NUMB: variants seen among roughly 807,000 people sequenced by gnomAD.
The protein encoded by NUMB is NUMB endocytic adaptor protein.
Under a neutral mutation model 59.7 loss-of-function variants are expected in NUMB, and 29 were observed. The ratio of observed to expected loss-of-function variants is 0.49; its 90% CI spans 0.36 to 0.66. The LOEUF is 0.66. NUMB is among the 30% of genes least tolerant of loss of function. The pLI is 0.00. For synonymous variants in NUMB, 288 were observed against 288.2 expected (o/e 1.00, Z 0.01); for missense variants, 723 against 822.0 (o/e 0.88, Z 1.47).
At position 73,402,599 on chromosome 14, in the gene NUMB, T is replaced by A. The variant is rs539215576; in HGVS notation, c.-101+7338A>T. On this transcript the variant is annotated intron_variant, in intron 2 of 12. Coordinates refer to ENST00000555238, the MANE Select transcript of NUMB (RefSeq NM_001005743.2). ...ATACCAAACAATTATAATAATAATATCTTCCATTGTAGCACCTCCAATGTA... is the reference window on the plus strand; with the variant it reads ...ATACCAAACAATTATAATAATAATAACTTCCATTGTAGCACCTCCAATGTA... Among the ~76,000 whole-genome samples, 6 of 152,358 alleles carry A rather than the reference T, an allele frequency of 3.9e-5. No individual in the cohort carries two copies. The East Asian group carries it at 1.2e-3, about 29-fold the overall frequency.
chr14:73,303,458 T>C (rs1890258855), intron 6 of NUMB, among the ~76,000 whole-genome samples: 1 of 152,046 alleles, frequency 6.6e-6, no homozygotes, highest in Admixed American at 6.6e-5. Context: ...CATGCGCCTG[T>C]AGTCCCAGCT....
intron 6 of NUMB, among the ~76,000 whole-genome samples, chr14:73,302,526 C>T (rs1403929694): frequency 6.6e-6 from 1 of 151,090 alleles, no homozygotes; most frequent in African/African-American, 2.4e-5. Context: ...CATGCCTCAG[C>T]TTCCCGAGTA....
At chr14:73,358,835 G>C (rs1414832781) in intron 3 of NUMB, among the ~76,000 whole-genome samples, 1 of 152,082 alleles carries the variant, frequency 6.6e-6, no homozygotes, top group Admixed American at 6.6e-5. Context: ...AGAATTGAAA[G>C]ATAAAACAGA....
intron 4 of NUMB, among the ~76,000 whole-genome samples, chr14:73,354,119 T>C (rs1228010740): frequency 1.3e-5 from 2 of 148,898 alleles, no homozygotes; most frequent in African/African-American, 4.9e-5. Flanking sequence ...ATATGGAAGA[T>C]TTTTTTTTTC....
At position 73,376,377 on chromosome 14, in the gene NUMB, A is replaced by ACAAT. The variant is rs1894944515; in HGVS notation, c.-100-9397_-100-9396insATTG. Among the ~76,000 whole-genome samples, 5 of 152,266 alleles carry ACAAT rather than the reference A, an allele frequency of 3.3e-5. No homozygotes were observed. The South Asian group carries it at 1.0e-3, about 32-fold the overall frequency. On this transcript the variant is annotated intron_variant, in intron 2 of 12. Transcript: ENST00000555238. Reference sequence around the variant, plus strand: ...AAATCTACACAAGAAAAATGAAAAAACTGATTAAAGAAATCTAAATAAATG... The same window carrying ACAAT: ...AAATCTACACAAGAAAAATGAAAAAACAATCTGATTAAAGAAATCTAAATAAATG...
chr14:73,401,093 C>T (rs1001539591), intron 2 of NUMB, among the ~76,000 whole-genome samples: 2 of 152,124 alleles, frequency 1.3e-5, no homozygotes, highest in Non-Finnish European at 2.9e-5. Context: ...GATTCTATCT[C>T]CAAGTAAATA....
chr14:73,453,989 T>A (rs944853208), intron 1 of NUMB, among the ~76,000 whole-genome samples: 3 of 152,088 alleles, frequency 2.0e-5, no homozygotes, highest in African/African-American at 7.2e-5. Flanking sequence ...AATTTTTTTT[T>A]AATTTAAGGA....
At chr14:73,456,590 G>A (rs1348003840) in intron 1 of NUMB, among the ~76,000 whole-genome samples, 1 of 152,126 alleles carries the variant, frequency 6.6e-6, no homozygotes, top group Non-Finnish European at 1.5e-5. Context: ...TTCAATGCAG[G>A]TAAAAACTCA....
intron 4 of NUMB, among the ~76,000 whole-genome samples, chr14:73,346,583 G>A (rs1892934739): frequency 6.6e-6 from 1 of 151,948 alleles, no homozygotes; most frequent in Non-Finnish European, 1.5e-5. Context: ...CAATTATATA[G>A]ATACTAATAT....
intron 6 of NUMB, among the ~76,000 whole-genome samples, chr14:73,310,894 T>G (rs1279679275): frequency 6.6e-6 from 1 of 152,192 alleles, no homozygotes; most frequent in Non-Finnish European, 1.5e-5. Flanking sequence ...CTCAAATACA[T>G]TAAAATTATA....
chr14:73,446,225 G>C (rs1318132665), intron 1 of NUMB, among the ~76,000 whole-genome samples: 1 of 151,802 alleles, frequency 6.6e-6, no homozygotes, highest in Non-Finnish European at 1.5e-5. Flanking sequence ...TCAAACTTCT[G>C]ACCTCAAGTG....
At chr14:73,340,850 C>G (rs889332088) in intron 4 of NUMB, among the ~76,000 whole-genome samples, 1 of 152,142 alleles carries the variant, frequency 6.6e-6, no homozygotes, top group Non-Finnish European at 1.5e-5. Context: ...TTGTAATCGC[C>G]ATGTGTCACG....
intron 1 of NUMB, among the ~76,000 whole-genome samples, chr14:73,428,937 G>GA (rs1439110511): frequency 1.3e-5 from 2 of 152,076 alleles, no homozygotes; most frequent in Admixed American, 6.6e-5. Flanking sequence ...TCCTGAGTTT[G>GA]AAAAAACACA....
chr14:73,367,006 C>G (rs997127089), intron 2 of NUMB, 25 bp from the exon 3 acceptor site: 1 of 151,988 alleles, frequency 6.6e-6, no homozygotes. Flanking sequence ...TAATAAACAT[C>G]TCACAAAATT....
In NUMB at chr14:73,322,009, G is replaced by A. The variant is rs796941205; in HGVS notation, c.201+1121C>T. The stretch of plus-strand genomic sequence containing the variant: ...TTTTATATTCAGGAATTATAGATAA[G>A]AAGTAATATAGACTATGCCGAGAAG... On this transcript the variant is annotated intron_variant, in intron 5 of 12. Coordinates refer to ENST00000555238, the MANE Select transcript of NUMB (RefSeq NM_001005743.2). 1.1e-4 allele frequency among the ~76,000 whole-genome samples: 16 copies of A among 152,186 alleles called. 1 individual carries two copies. Among genetic ancestry groups the A allele is most frequent in the African/African-American group, 3.9e-4 (16 of 41,508 alleles).
chr14:73,335,302 C>CA (rs10556271), intron 4 of NUMB, among the ~76,000 whole-genome samples: 1,119 of 100,224 alleles, frequency 0.011, 4 homozygotes, highest in Non-Finnish European at 0.016. Context: ...GCCAAAAAGA[C>CA]AAAAAAAAAA....
intron 6 of NUMB, among the ~76,000 whole-genome samples, chr14:73,312,934 A>G (rs138343806): frequency 1.3e-5 from 2 of 152,010 alleles, no homozygotes; most frequent in African/African-American, 4.8e-5. Context: ...TGGTGATGCT[A>G]CGGTGCTGCT....
intron 3 of NUMB, among the ~76,000 whole-genome samples, chr14:73,358,930 G>A (rs556151826): frequency 2.0e-5 from 3 of 152,294 alleles, no homozygotes; most frequent in South Asian, 2.1e-4. Flanking sequence ...GGAAGAGACT[G>A]ACAGTGTAAT....
intron 4 of NUMB, among the ~76,000 whole-genome samples, 180 bp downstream of exon 4, chr14:73,355,446 C>T (rs1261884908): frequency 6.6e-6 from 1 of 152,082 alleles, no homozygotes; most frequent in Non-Finnish European, 1.5e-5. Context: ...TAATTAAAAT[C>T]TATCTGTTTT....
Sources: allele counts gnomAD v4.1 joint callset (sites outside exome capture counted in the v4.1 genomes callset), GRCh38; gene constraint gnomAD v4.1.1; transcripts MANE v1.5; gene names NCBI Gene and HGNC (gene_info 2026-07-23, HGNC 2026-07-21).